SYCP2L: variants seen among roughly 807,000 people sequenced by gnomAD.
SYCP2L encodes the protein synaptonemal complex protein 2-like.
Under a neutral mutation model 125.8 loss-of-function variants are expected in SYCP2L, and 98 were observed. That is an observed-to-expected ratio of 0.78 (90% CI 0.66 to 0.92). The LOEUF (loss-of-function observed/expected upper bound fraction) is 0.92, where lower values mean the gene tolerates loss of function less well. Ranked by LOEUF, SYCP2L falls within the 40% of genes least tolerant of loss-of-function variation. The pLI is 0.00. For missense variants in SYCP2L, 842 were observed against 936.4 expected (o/e 0.90, Z 1.32); for synonymous variants, 317 against 325.4 (o/e 0.97, Z 0.28).
At chr6:10,962,272 A>ACCTATGCATGTATTCCTATGCATATATT (rs1561702763) in intron 28 of SYCP2L, among the ~76,000 whole-genome samples, 8 of 149,206 alleles carry the variant, frequency 5.4e-5, no homozygotes, top group African/African-American at 2.0e-4. Context: ...TCTTCCTAAA[A>ACCTATGCATGTATTCCTATGCATATATT]CCTATGCATA....
chr6:10,913,263 A>G (rs1269276762), intron 14 of SYCP2L, among the ~76,000 whole-genome samples: 2 of 152,226 alleles, frequency 1.3e-5, no homozygotes, highest in Non-Finnish European at 2.9e-5. Flanking sequence ...AGAGGAGAAC[A>G]TGTCATCCTA....
At chr6:10,894,880 G>A (rs1170419768) in intron 4 of SYCP2L, among the ~76,000 whole-genome samples, 1 of 152,100 alleles carries the variant, frequency 6.6e-6, no homozygotes, top group Non-Finnish European at 1.5e-5. Context: ...AGGGTGGAAG[G>A]ATCATCTGGC....
At chr6:10,902,568 T>C (rs2113301263) in intron 6 of SYCP2L, 109 bp from the exon 7 acceptor site, 4 of 864,168 alleles carry the variant, frequency 4.6e-6, no homozygotes, top group East Asian at 2.6e-5. Context: ...GTGGGTTATA[T>C]TGTAGAAAAG....
chr6:10,926,662 G>A (rs1780902124), intron 16 of SYCP2L, among the ~76,000 whole-genome samples: 1 of 152,112 alleles, frequency 6.6e-6, no homozygotes, highest in Admixed American at 6.6e-5. Flanking sequence ...TTTGGGGGAG[G>A]CAGGACATGG....
intron 1 of SYCP2L, among the ~76,000 whole-genome samples, chr6:10,889,117 C>T: frequency 6.6e-6 from 1 of 152,192 alleles, no homozygotes; most frequent in East Asian, 1.9e-4. Context: ...GCCTTGGCCT[C>T]CCAAAGTGCT....
chr6:10,967,454 GGT>G (rs3066151), intron 29 of SYCP2L, among the ~76,000 whole-genome samples: 2,562 of 138,772 alleles, frequency 0.018, 31 homozygotes, highest in African/African-American at 0.041. Flanking sequence ...TGGGGTAGAG[GGT>G]GTGTGTGTGT....
intron 27 of SYCP2L, 28 bp downstream of exon 27, chr6:10,961,432 C>G (rs1354993943): frequency 6.2e-7 from 1 of 1,613,544 alleles, no homozygotes; most frequent in Admixed American, 1.7e-5. Context: ...GGAACATTTT[C>G]TGACTTCGGA....
At chr6:10,957,055 C>G (rs575450074) in intron 25 of SYCP2L, among the ~76,000 whole-genome samples, 2 of 152,160 alleles carry the variant, frequency 1.3e-5, no homozygotes, top group East Asian at 3.9e-4. Flanking sequence ...TCTTACACTT[C>G]TGGCCTAAGG....
At chr6:10,937,337 C>G (rs928296250) in intron 21 of SYCP2L, among the ~76,000 whole-genome samples, 1 of 151,770 alleles carries the variant, frequency 6.6e-6, no homozygotes, top group African/African-American at 2.4e-5. Flanking sequence ...AACACACTCC[C>G]GAATAACCAA....
chr6:10,941,973 CA>C (rs1781229470), intron 21 of SYCP2L, among the ~76,000 whole-genome samples: 1 of 151,450 alleles, frequency 6.6e-6, no homozygotes, highest in African/African-American at 2.4e-5. Flanking sequence ...ACTATGCAGC[CA>C]TAAAAAATGA....
chr6:10,914,842 G>A (rs1017025079), intron 14 of SYCP2L, among the ~76,000 whole-genome samples: 3 of 149,392 alleles, frequency 2.0e-5, no homozygotes, highest in Non-Finnish European at 4.4e-5. Context: ...TGCCTCCTGG[G>A]TTCAAGCGAT....
intron 18 of SYCP2L, among the ~76,000 whole-genome samples, chr6:10,928,651 G>A (rs531205114): frequency 8.2e-4 from 125 of 152,232 alleles, no homozygotes; most frequent in African/African-American, 2.7e-3. Flanking sequence ...TGATCCTCCC[G>A]CTTCAGCTTC....
chr6:10,893,502 G>T (rs746157640), intron 2 of SYCP2L, among the ~76,000 whole-genome samples: 2 of 152,096 alleles, frequency 1.3e-5, no homozygotes, highest in Non-Finnish European at 2.9e-5. Context: ...CATTGCTGAG[G>T]ATCTTCACCT....
chr6:10,945,003 C>T (rs904284016), intron 23 of SYCP2L, among the ~76,000 whole-genome samples: 26 of 152,200 alleles, frequency 1.7e-4, no homozygotes, highest in Non-Finnish European at 8.8e-5. Flanking sequence ...CATGAGCCAC[C>T]GTGCCCGGCC....
intron 20 of SYCP2L, among the ~76,000 whole-genome samples, chr6:10,932,965 G>C (rs1781023911): frequency 6.6e-6 from 1 of 152,228 alleles, no homozygotes; most frequent in South Asian, 2.1e-4. Context: ...TGTTGGCCAG[G>C]CTGGTTTCGA....
intron 21 of SYCP2L, among the ~76,000 whole-genome samples, chr6:10,936,611 T>C (rs1561693628): frequency 6.6e-6 from 1 of 152,218 alleles, no homozygotes; most frequent in Non-Finnish European, 1.5e-5. Context: ...CAATAATTAC[T>C]TTAAATGGAT....
intron 14 of SYCP2L, among the ~76,000 whole-genome samples, chr6:10,915,654 C>T (rs1780681335): frequency 6.6e-6 from 1 of 152,202 alleles, no homozygotes; most frequent in Admixed American, 6.5e-5. Context: ...ACCATTCCTG[C>T]ATCCCTGGTA....
Position 10,935,153 on chromosome 6 carries a change from T to C in SYCP2L, c.1779T>C (p.Ala593=). 6.2e-7 allele frequency: 1 copy of C among 1,612,970 alleles called. No individual in the cohort carries two copies. Among genetic ancestry groups the C allele is most frequent in the Non-Finnish European group, 8.5e-7 (1 of 1,179,564 alleles). The stretch of plus-strand genomic sequence containing the variant: ...AACAAAAATTCCAAGATAGTTTTGC[T>C]TTTTTGACTGCTGAAGATTCTGCCC... ...TSEQKFQDSF[A]FLTAEDSAQK... The change falls in exon 21 of 30, where the codon GCT becomes GCC. Residue 593 remains alanine, a synonymous_variant. Coordinates refer to ENST00000283141, the MANE Select transcript of SYCP2L (RefSeq NM_001040274.3).
At chr6:10,945,315 T>C (rs562935008) in intron 23 of SYCP2L, among the ~76,000 whole-genome samples, 2 of 152,352 alleles carry the variant, frequency 1.3e-5, no homozygotes, top group South Asian at 4.1e-4. Flanking sequence ...TTCTTAACTA[T>C]GTCCTTCAAA....
Sources: allele counts gnomAD v4.1 joint callset (sites outside exome capture counted in the v4.1 genomes callset), GRCh38; gene constraint gnomAD v4.1.1; transcripts MANE v1.5; gene names NCBI Gene and HGNC (gene_info 2026-07-23, HGNC 2026-07-21).